Variants in PTBP2 observed in about 807,000 individuals in gnomAD.
The protein encoded by PTBP2 is polypyrimidine tract-binding protein 2.
In PTBP2, 13 loss-of-function variants were observed where a neutral mutation model predicts 61.4. The observed-to-expected ratio is 0.21, with a 90% CI of 0.14 to 0.34. The LOEUF (loss-of-function observed/expected upper bound fraction) is 0.34, where lower values mean the gene tolerates loss of function less well. PTBP2 is among the 10% of genes least tolerant of loss of function. The pLI, the probability that PTBP2 is intolerant of heterozygous loss-of-function variation, is 1.00. For synonymous variants in PTBP2, 215 were observed against 218.5 expected (o/e 0.98, Z 0.14); for missense variants, 405 against 642.6 (o/e 0.63, Z 4.00).
At chr1:96,821,517 C>T (rs1345084672) in exon 14 of PTBP2, 1 of 152,004 alleles carries the variant, frequency 6.6e-6, no homozygotes, top group Non-Finnish European at 1.5e-5. Flanking sequence ...TTACTATCAA[C>T]TTTCAAGGAA....
Position 96,721,820 on chromosome 1 carries a change from C to T in PTBP2, c.-45C>T, listed in dbSNP as rs1309749155. The T allele has an allele frequency of 2.6e-6, 4 of 1,554,422 alleles. No individual in the cohort carries two copies. Among genetic ancestry groups the T allele is most frequent in the Middle Eastern group, 1.7e-4 (1 of 6,004 alleles). On this transcript the variant is annotated 5_prime_UTR_variant, in exon 1 of 14. Transcript: ENST00000674951. ...TCTCGCCGCTTGTGTGGCTCGCTGGCTGCGTGGCTCGGTTCTTGTGAGCGA... is the reference window on the plus strand; with the variant it reads ...TCTCGCCGCTTGTGTGGCTCGCTGGTTGCGTGGCTCGGTTCTTGTGAGCGA...
intron 5 of PTBP2, among the ~76,000 whole-genome samples, chr1:96,774,405 G>A (rs1251882845): frequency 6.6e-6 from 1 of 151,708 alleles, no homozygotes; most frequent in South Asian, 2.1e-4. Context: ...CTGTGTTCCA[G>A]GAATTTGATA....
At chr1:96,748,075 G>A (rs542347425) in intron 2 of PTBP2, among the ~76,000 whole-genome samples, 7 of 152,120 alleles carry the variant, frequency 4.6e-5, no homozygotes, top group East Asian at 1.9e-4. Context: ...ACCTGGGTAC[G>A]TACCTTTCTT....
At chr1:96,819,675 C>CA (rs1662613281), downstream of PTBP2, 1 of 151,170 alleles carries the variant, frequency 6.6e-6, no homozygotes. Flanking sequence ...TCCCTCCCCC[C>CA]ACTCCCTTTT....
rs1188468665 is a variant in PTBP2 at position 96,806,716 on chromosome 1, ATCT to A, written c.1079-145_1079-143del. The A allele has an allele frequency of 3.0e-5, 21 of 688,676 alleles. 1 individual carries two copies. The highest frequency in any genetic ancestry group is 1.6e-4 in the South Asian group (9 of 56,562). 42.7% of individuals were successfully genotyped at this position (688,676 alleles called of 1,614,324 possible). A position where few individuals can be genotyped will look rare whatever the true frequency, so the allele number is the denominator to read the frequency against. On this transcript the variant is annotated intron_variant, in intron 10 of 13. Transcript: ENST00000674951. ...TCAAAATTCACTGTTCAAAATCTTGATCTTCTTTATTCATTTGTGAGAATGATG... is the reference window on the plus strand; with the variant it reads ...TCAAAATTCACTGTTCAAAATCTTGATCTTTATTCATTTGTGAGAATGATG...
At chr1:96,802,533 G>A (rs965496115) in intron 8 of PTBP2, among the ~76,000 whole-genome samples, 6 of 152,054 alleles carry the variant, frequency 3.9e-5, no homozygotes, top group Admixed American at 3.9e-4. Context: ...ACTTCTTCCT[G>A]TTAGAATTAA....
At chr1:96,753,544 A>G (rs1447182505) in intron 3 of PTBP2, among the ~76,000 whole-genome samples, 2 of 152,062 alleles carry the variant, frequency 1.3e-5, no homozygotes, top group Non-Finnish European at 1.5e-5. Flanking sequence ...TATCTAGTAT[A>G]CCATCAAAAA....
Position 96,805,004 on chromosome 1 carries a change from T to G in PTBP2, c.1044+65T>G. 3 of 1,359,198 alleles carry G rather than the reference T, an allele frequency of 2.2e-6. No homozygotes were observed. In the East Asian group the frequency reaches 7.2e-5, roughly 32 times the overall value. 84.2% of individuals were successfully genotyped at this position (1,359,198 alleles called of 1,614,324 possible). A position where few individuals can be genotyped will look rare whatever the true frequency, so the allele number is the denominator to read the frequency against. The stretch of plus-strand genomic sequence containing the variant: ...TTTCATTTGTGAAAGTTTTTCATGT[T>G]TATTTCATTTTGCACTTGCCTTTCT... On this transcript the variant is annotated intron_variant, in intron 9 of 13. Coordinates refer to ENST00000674951, the MANE Select transcript of PTBP2 (RefSeq NM_021190.4).
At chr1:96,779,179 TC>T (rs778124348) in intron 7 of PTBP2, among the ~76,000 whole-genome samples, 3 of 152,106 alleles carry the variant, frequency 2.0e-5, no homozygotes, top group Non-Finnish European at 4.4e-5. Flanking sequence ...TAATTAGAAT[TC>T]TTTTTTTTTG....
At chr1:96,798,735 C>T (rs1345439749) in intron 8 of PTBP2, among the ~76,000 whole-genome samples, 6 of 152,056 alleles carry the variant, frequency 3.9e-5, no homozygotes, top group African/African-American at 9.7e-5. Context: ...GTTGATTTAT[C>T]GATATTGGTT....
intron 3 of PTBP2, among the ~76,000 whole-genome samples, chr1:96,760,869 C>A (rs1045470762): frequency 1.3e-4 from 20 of 152,162 alleles, no homozygotes; most frequent in African/African-American, 3.9e-4. Flanking sequence ...AAAAACTTTA[C>A]TGATAATGGT....
intron 3 of PTBP2, among the ~76,000 whole-genome samples, chr1:96,760,791 T>G (rs1489739383): frequency 2.0e-5 from 3 of 152,198 alleles, no homozygotes; most frequent in Non-Finnish European, 2.9e-5. Context: ...TATTTTATGG[T>G]CCATAACTTC....
In PTBP2 at chr1:96,736,884, C is replaced by T. The variant is rs1479436196; in HGVS notation, c.39+13290C>T. Among the ~76,000 whole-genome samples, 8 of 151,950 alleles carry T rather than the reference C, an allele frequency of 5.3e-5. No individual in the cohort carries two copies. The South Asian group carries it at 8.3e-4, about 16-fold the overall frequency. Reference sequence around the variant, plus strand: ...TTGTAGAGACAGCGTCTCGCTGTATCGCTTAGGCTGGTCTCAAACTCCTGG... The same window carrying T: ...TTGTAGAGACAGCGTCTCGCTGTATTGCTTAGGCTGGTCTCAAACTCCTGG... On this transcript the variant is annotated intron_variant, in intron 2 of 13. Transcript: ENST00000674951.
chr1:96,816,191 A>G (rs553354403), downstream of PTBP2: 180 of 152,348 alleles, frequency 1.2e-3, no homozygotes, highest in African/African-American at 4.1e-3. Context: ...ACTGTCTTAC[A>G]GTATGCCCTA....
intron 2 of PTBP2, among the ~76,000 whole-genome samples, chr1:96,732,605 A>G (rs978822757): frequency 5.3e-5 from 8 of 152,350 alleles, no homozygotes; most frequent in East Asian, 3.9e-4. Context: ...TAACAAGACT[A>G]TGTCTTTTAG....
chr1:96,772,122 A>G (rs996359160), intron 5 of PTBP2, among the ~76,000 whole-genome samples: 2 of 152,138 alleles, frequency 1.3e-5, no homozygotes, highest in Non-Finnish European at 2.9e-5. Flanking sequence ...CTCCTGAGAC[A>G]CCAGCAAGTC....
intron 2 of PTBP2, among the ~76,000 whole-genome samples, chr1:96,732,377 A>G (rs902753487): frequency 3.9e-5 from 6 of 152,204 alleles, no homozygotes; most frequent in African/African-American, 1.2e-4. Context: ...ATTTCAATTA[A>G]CAGATATTTT....
rs985186985 is a variant in PTBP2, at chr1:96,785,366, G to A, written c.904+112G>A. The A allele has an allele frequency of 3.9e-5, 32 of 820,214 alleles. No individual in the cohort carries two copies. In the African/African-American group the frequency reaches 4.2e-4, roughly 11 times the overall value. 50.8% of individuals were successfully genotyped at this position (820,214 alleles called of 1,614,324 possible). A position where few individuals can be genotyped will look rare whatever the true frequency, so the allele number is the denominator to read the frequency against. ...ACCTTACCAAATTGTGTTAGGTTTC[G>A]TGAGTTTTCTTTTTCTCAAGTGAGA... On this transcript the variant is annotated intron_variant, in intron 8 of 13. Transcript: ENST00000674951.
At chr1:96,750,737 G>A (rs1654438622) in intron 2 of PTBP2, among the ~76,000 whole-genome samples, 1 of 151,922 alleles carries the variant, frequency 6.6e-6, no homozygotes. Flanking sequence ...CAAAACAGTT[G>A]ATTTTAGCTA....
Sources: gnomAD v4.1 joint callset for allele counts (sites outside exome capture counted in the v4.1 genomes callset) on GRCh38, gnomAD v4.1.1 for gene constraint, MANE v1.5 for transcripts, NCBI Gene and HGNC (gene_info 2026-07-23, HGNC 2026-07-21) for gene names.